DLC1: variants seen among roughly 807,000 people sequenced by gnomAD.
DLC1 encodes the protein DLC1 Rho GTPase activating protein, also known as rho GTPase-activating protein 7.
Under a neutral mutation model 140.3 loss-of-function variants are expected in DLC1, and 54 were observed. That is an observed-to-expected ratio of 0.38 (90% CI 0.31 to 0.48). The LOEUF (loss-of-function observed/expected upper bound fraction) is 0.48, where lower values mean the gene tolerates loss of function less well. DLC1 is among the 20% of genes least tolerant of loss of function. The pLI is 0.96. For synonymous variants in DLC1, 986 were observed against 728.1 expected (o/e 1.35, Z -5.70); for missense variants, 2,536 against 1,907.0 (o/e 1.33, Z -6.14).
chr8:13,196,314 A>G (rs1827052087), intron 5 of DLC1, among the ~76,000 whole-genome samples: 1 of 152,234 alleles, frequency 6.6e-6, no homozygotes, highest in Non-Finnish European at 1.5e-5. Flanking sequence ...ACAAGAAGAA[A>G]AAAATATTTT....
chr8:13,192,335 A>G (rs1469175684), intron 5 of DLC1, among the ~76,000 whole-genome samples: 2 of 152,196 alleles, frequency 1.3e-5, no homozygotes, highest in Non-Finnish European at 2.9e-5. Flanking sequence ...CTTTTTAAAA[A>G]TGAGATGACA....
intron 1 of DLC1, among the ~76,000 whole-genome samples, chr8:13,543,214 T>A (rs904676230): frequency 6.6e-6 from 1 of 152,174 alleles, no homozygotes; most frequent in African/African-American, 2.4e-5. Flanking sequence ...ACAAAAATAA[T>A]GCAAAGTAGG....
At chr8:13,319,241 G>A (rs916314939) in intron 4 of DLC1, among the ~76,000 whole-genome samples, 1 of 152,186 alleles carries the variant, frequency 6.6e-6, no homozygotes, top group Non-Finnish European at 1.5e-5. Context: ...GCATGTAAAA[G>A]ACACCTGGTC....
Position 13,100,760 on chromosome 8 carries a change from G to A in DLC1, c.1577C>T (p.Ser526Leu), listed in dbSNP as rs1819007093. The A allele has an allele frequency of 3.2e-6, 5 of 1,563,620 alleles. No individual in the cohort carries two copies. The highest frequency in any genetic ancestry group is 1.2e-5 in the South Asian group (1 of 82,088). ...ISPHRKRSDD[S>L]DEDEPCAISG... ...GATGGCACAAGGCTCATCCTCGTCT[G>A]AATCGTCACTCTGCAAAGACAGAAA... is the stretch of plus-strand genomic sequence containing the variant. The change falls in exon 9 of 18, where the codon TCA becomes TTA. Residue 526 changes from serine (S) to leucine (L), a missense_variant. Ser to Leu is a moderately radical substitution (Grantham distance 145, BLOSUM62 -2). Coordinates refer to ENST00000276297, the MANE Select transcript of DLC1 (RefSeq NM_182643.3).
chr8:13,272,151 A>G (rs1830958322), intron 5 of DLC1, among the ~76,000 whole-genome samples: 1 of 152,182 alleles, frequency 6.6e-6, no homozygotes, highest in South Asian at 2.1e-4. Flanking sequence ...ATGTTGTTAA[A>G]TAAAGACTAG....
At chr8:13,181,568 T>G (rs1206320738) in intron 5 of DLC1, among the ~76,000 whole-genome samples, 1 of 144,766 alleles carries the variant, frequency 6.9e-6, no homozygotes, top group Non-Finnish European at 1.5e-5. Context: ...TTCCCACCTA[T>G]GAGTGAGAAC....
chr8:13,466,306 C>A (rs1799937906), intron 2 of DLC1, among the ~76,000 whole-genome samples: 1 of 152,160 alleles, frequency 6.6e-6, no homozygotes, highest in Non-Finnish European at 1.5e-5. Context: ...GTTGGCCCTG[C>A]AAGGGTGCTG....
At chr8:13,130,758 T>A (rs938547826) in intron 5 of DLC1, among the ~76,000 whole-genome samples, 2 of 152,206 alleles carry the variant, frequency 1.3e-5, no homozygotes, top group African/African-American at 4.8e-5. Context: ...AAGATTTAAG[T>A]TGGAAACTAT....
At chr8:13,149,014 G>T (rs1289866306) in intron 5 of DLC1, among the ~76,000 whole-genome samples, 1 of 152,020 alleles carries the variant, frequency 6.6e-6, no homozygotes, top group East Asian at 1.9e-4. Flanking sequence ...GGACGGTCTC[G>T]ATCTCCTGAC....
At chr8:13,287,747 G>A (rs567409499) in intron 5 of DLC1, among the ~76,000 whole-genome samples, 28 of 152,274 alleles carry the variant, frequency 1.8e-4, no homozygotes, top group African/African-American at 6.0e-4. Flanking sequence ...CTAGATCGCC[G>A]ATGATGCAAG....
intron 4 of DLC1, among the ~76,000 whole-genome samples, chr8:13,327,157 C>T (rs1451291750): frequency 6.7e-5 from 5 of 74,186 alleles, no homozygotes; most frequent in African/African-American, 9.9e-5. Context: ...GTATTTTTAG[C>T]AGAGACGGGG....
intron 5 of DLC1, among the ~76,000 whole-genome samples, chr8:13,213,432 G>A (rs1339245433): frequency 6.6e-6 from 1 of 152,192 alleles, no homozygotes; most frequent in Non-Finnish European, 1.5e-5. Flanking sequence ...GGACTCATCA[G>A]AGTTTCAGAG....
chr8:13,364,775 CT>C (rs1035165991), intron 4 of DLC1, among the ~76,000 whole-genome samples: 22 of 152,310 alleles, frequency 1.4e-4, no homozygotes, highest in African/African-American at 4.8e-4. Context: ...CAAAACCAAA[CT>C]TTTCCCCTAA....
intron 5 of DLC1, among the ~76,000 whole-genome samples, chr8:13,233,988 A>G (rs1437566055): frequency 6.6e-6 from 1 of 152,152 alleles, no homozygotes; most frequent in Non-Finnish European, 1.5e-5. Context: ...AGTGTTTTCA[A>G]TGTTTATCTT....
At position 13,090,240 on chromosome 8, in the gene DLC1, G is replaced by A. The variant is rs1251469652; in HGVS notation, c.4074+12C>T. The A allele has an allele frequency of 4.3e-6, 7 of 1,611,858 alleles. No individual in the cohort carries two copies. The African/African-American group carries it at 6.7e-5, about 15-fold the overall frequency. ...CTGGACTCAACTAGCCGACAACAGG[G>A]TGAAGCCTTACCTTCTTATAGGACA... On this transcript the variant is annotated intron_variant, in intron 15 of 17. Transcript: ENST00000276297.
At chr8:13,169,103 G>A (rs138902049) in intron 5 of DLC1, among the ~76,000 whole-genome samples, 79 of 152,324 alleles carry the variant, frequency 5.2e-4, no homozygotes, top group African/African-American at 1.9e-3. Flanking sequence ...AGAAGGAAAT[G>A]TGATATATAG....
At chr8:13,278,201 AC>A (rs988662648) in intron 5 of DLC1, among the ~76,000 whole-genome samples, 2 of 152,184 alleles carry the variant, frequency 1.3e-5, no homozygotes, top group African/African-American at 2.4e-5. Context: ...ATGTAGACAG[AC>A]CTCCGTGCCT....
At chr8:13,326,327 G>A (rs574654777) in intron 4 of DLC1, among the ~76,000 whole-genome samples, 12 of 152,322 alleles carry the variant, frequency 7.9e-5, no homozygotes, top group Admixed American at 2.6e-4. Flanking sequence ...TTATAGCATA[G>A]ACCTATATAC....
chr8:13,567,606 A>T lies in DLC1; in HGVS notation c.-126+36931T>A, dbSNP rs1179920522. On this transcript the variant is annotated intron_variant, in intron 1 of 1. Transcript: ENST00000631382. ...ATCAGTGTCCCTATTGTAACAGGAAAAGAGCGGAGCTGGCCCTGTCTGCCT... is the reference window on the plus strand; with the variant it reads ...ATCAGTGTCCCTATTGTAACAGGAATAGAGCGGAGCTGGCCCTGTCTGCCT... 4 of 1,551,658 alleles carry T rather than the reference A, an allele frequency of 2.6e-6. No individual in the cohort carries two copies. In the African/African-American group the frequency reaches 5.5e-5, roughly 21 times the overall value.
Sources: allele counts gnomAD v4.1 joint callset (sites outside exome capture counted in the v4.1 genomes callset), GRCh38; gene constraint gnomAD v4.1.1; transcripts MANE v1.5; gene names NCBI Gene and HGNC (gene_info 2026-07-23, HGNC 2026-07-21).